The following FSTL4 variants were observed in gnomAD, a reference collection of about 807,000 sequenced individuals.
FSTL4 encodes the protein follistatin-related protein 4.
In FSTL4, 28 loss-of-function variants were observed where a neutral mutation model predicts 78.2. That is an observed-to-expected ratio of 0.36 (90% CI 0.27 to 0.49). FSTL4 has a LOEUF of 0.49. Among genes scored for constraint, FSTL4 ranks in the 20% least tolerant of loss-of-function variants. FSTL4 has a pLI of 0.98. For synonymous variants in FSTL4, 422 were observed against 440.5 expected (o/e 0.96, Z 0.53); for missense variants, 922 against 1,084.9 (o/e 0.85, Z 2.11).
chr5:133,452,787 A>T (rs1007047523), intron 3 of FSTL4, among the ~76,000 whole-genome samples: 1 of 152,218 alleles, frequency 6.6e-6, no homozygotes. Flanking sequence ...AGCTGAGTGG[A>T]GTGTCCTGTT....
At chr5:133,405,043 G>T (rs904614141) in intron 3 of FSTL4, among the ~76,000 whole-genome samples, 1 of 152,214 alleles carries the variant, frequency 6.6e-6, no homozygotes, top group African/African-American at 2.4e-5. Context: ...CTGTGTCTCA[G>T]ACCTCATCTC....
chr5:133,780,239 G>A, the FSTL4 span, among the ~76,000 whole-genome samples: 2 of 152,156 alleles, frequency 1.3e-5, no homozygotes, highest in South Asian at 4.2e-4. Context: ...TGGGAGGAGG[G>A]GTGTACACGA....
At chr5:133,402,112 C>G (rs961128059) in intron 3 of FSTL4, among the ~76,000 whole-genome samples, 8 of 152,114 alleles carry the variant, frequency 5.3e-5, no homozygotes, top group Admixed American at 2.6e-4. Context: ...GCAGCCTTTC[C>G]CCACAGCCCA....
chr5:133,606,430 C>A (rs1760979727), intron 1 of FSTL4, among the ~76,000 whole-genome samples: 1 of 152,134 alleles, frequency 6.6e-6, no homozygotes, highest in Non-Finnish European at 1.5e-5. Flanking sequence ...GAGCTGCAAC[C>A]CATTTTTCTA....
intron 11 of FSTL4, among the ~76,000 whole-genome samples, chr5:133,223,071 C>G (rs773685564): frequency 6.6e-6 from 1 of 152,198 alleles, no homozygotes; most frequent in Non-Finnish European, 1.5e-5. Flanking sequence ...CGTGGTAGGT[C>G]TCTACTTCTG....
Position 133,612,003 on chromosome 5 carries a change from C to T in FSTL4, c.-11+322G>A, listed in dbSNP as rs553694902. Among the ~76,000 whole-genome samples the T allele has an allele frequency of 5.7e-4, 86 of 152,114 alleles. No individual in the cohort carries two copies. Among genetic ancestry groups the T allele is most frequent in the African/African-American group, 2.0e-3 (84 of 41,540 alleles). On this transcript the variant is annotated intron_variant, in intron 1 of 15. Coordinates refer to ENST00000265342, the MANE Select transcript of FSTL4 (RefSeq NM_015082.2). This position sits in a 1 kb window ranked among gnomAD's most constrained non-coding sequence, Gnocchi z 6.2. ...TGCGGGCTCGGCCCGAGCGCTTCTG[C>T]GTGGCGCCCCGCGTGCCAACCGGGT...
chr5:133,623,093 T>G, the FSTL4 span, among the ~76,000 whole-genome samples: 1 of 152,010 alleles, frequency 6.6e-6, no homozygotes, highest in Non-Finnish European at 1.5e-5. Context: ...TGAGGTCTTT[T>G]TTTTTTTCCT....
At chr5:133,813,276 C>T in the FSTL4 span, among the ~76,000 whole-genome samples, 1 of 152,190 alleles carries the variant, frequency 6.6e-6, no homozygotes. Flanking sequence ...CTTAACGTAA[C>T]ATATCTGAAA....
At chr5:133,601,698 T>TTTTTTTTTTTTTTTC (rs377291709) in intron 2 of FSTL4, among the ~76,000 whole-genome samples, 1 of 149,520 alleles carries the variant, frequency 6.7e-6, no homozygotes, top group Admixed American at 6.6e-5. Flanking sequence ...TTTTTTTTTT[T>TTTTTTTTTTTTTTTC]CTCAGACATG....
At chr5:133,314,590 C>G (rs954067723) in intron 5 of FSTL4, among the ~76,000 whole-genome samples, 2 of 151,010 alleles carry the variant, frequency 1.3e-5, no homozygotes, top group African/African-American at 4.9e-5. Context: ...TTGGTGGGAG[C>G]CATTCTCTCC....
At chr5:133,525,732 A>C (rs1759081606) in intron 3 of FSTL4, among the ~76,000 whole-genome samples, 1 of 152,240 alleles carries the variant, frequency 6.6e-6, no homozygotes, top group Non-Finnish European at 1.5e-5. Context: ...GAACCTGTGC[A>C]CAAGCCCTTG....
chr5:133,571,026 A>G (rs1414899814), intron 2 of FSTL4, among the ~76,000 whole-genome samples: 2 of 152,110 alleles, frequency 1.3e-5, no homozygotes, highest in Non-Finnish European at 2.9e-5. Flanking sequence ...CTTCCCCTTG[A>G]GTTATATGAT....
chr5:133,484,248 T>C (rs1398403303), intron 3 of FSTL4, among the ~76,000 whole-genome samples: 2 of 152,198 alleles, frequency 1.3e-5, no homozygotes, highest in Admixed American at 6.5e-5. Context: ...TTGCAGAACA[T>C]TGAAATGGAG....
the FSTL4 span, among the ~76,000 whole-genome samples, chr5:133,770,887 G>C: frequency 1.1e-4 from 17 of 151,808 alleles, no homozygotes; most frequent in Non-Finnish European, 1.9e-4. Flanking sequence ...AATCCATCTT[G>C]AGTTAATTTT....
chr5:133,592,369 T>C lies in FSTL4; in HGVS notation c.126+11489A>G, dbSNP rs425521. On this transcript the variant is annotated intron_variant, in intron 2 of 15. Transcript: ENST00000265342. Reference sequence around the variant, plus strand: ...AGAATTTCTTGTACAGTGCAGTTCATGATCATCTTTACTTGTAACACAAGA... The same window carrying C: ...AGAATTTCTTGTACAGTGCAGTTCACGATCATCTTTACTTGTAACACAAGA... Among the ~76,000 whole-genome samples, 211 of 152,358 alleles carry C rather than the reference T, an allele frequency of 1.4e-3. 3 individuals are homozygous for C. The East Asian group carries it at 0.031, about 22-fold the overall frequency.
intron 4 of FSTL4, among the ~76,000 whole-genome samples, chr5:133,363,937 C>T (rs1031489399): frequency 5.3e-5 from 8 of 152,294 alleles, no homozygotes; most frequent in East Asian, 3.9e-4. Flanking sequence ...AATTCATAGA[C>T]GGCGGCTCAG....
intron 3 of FSTL4, among the ~76,000 whole-genome samples, chr5:133,507,499 T>C (rs951138230): frequency 2.0e-5 from 3 of 151,696 alleles, no homozygotes; most frequent in Non-Finnish European, 4.4e-5. Flanking sequence ...CATCTACAGA[T>C]TCAAACAACG....
chr5:133,322,152 GC>G (rs1338634291), intron 4 of FSTL4, among the ~76,000 whole-genome samples: 1 of 151,530 alleles, frequency 6.6e-6, no homozygotes, highest in Admixed American at 6.6e-5. Flanking sequence ...TTCTCATGCT[GC>G]CCCACCCCCT....
chr5:133,480,520 C>G (rs888342098), intron 3 of FSTL4, among the ~76,000 whole-genome samples: 1 of 152,100 alleles, frequency 6.6e-6, no homozygotes, highest in Non-Finnish European at 1.5e-5. Context: ...AGGGGACATT[C>G]TCTGATTCAA....
Sources: allele counts gnomAD v4.1 joint callset (sites outside exome capture counted in the v4.1 genomes callset), GRCh38; gene constraint gnomAD v4.1.1; non-coding constraint Gnocchi (gnomAD v3.1); transcripts MANE v1.5; gene names NCBI Gene and HGNC (gene_info 2026-07-23, HGNC 2026-07-21).